The following ZBTB38 variants were observed in gnomAD, a reference collection of about 807,000 sequenced individuals.
ZBTB38 encodes zinc finger and BTB domain-containing protein 38.
ZBTB38 carries 20 observed loss-of-function variants against 76.8 expected under a neutral mutation model. The ratio of observed to expected loss-of-function variants is 0.26; its 90% CI spans 0.18 to 0.38. The LOEUF (loss-of-function observed/expected upper bound fraction) is 0.38, where lower values mean the gene tolerates loss of function less well. Ranked by LOEUF, ZBTB38 falls within the 10% of genes least tolerant of loss-of-function variation. ZBTB38 has a pLI of 1.00. For synonymous variants in ZBTB38, 504 were observed against 544.2 expected (o/e 0.93, Z 1.03); for missense variants, 1,082 against 1,482.3 (o/e 0.73, Z 4.43).
In ZBTB38 at chr3:141,379,536, C is replaced by T. The variant is rs144604943; in HGVS notation, c.-234-1889C>T. On this transcript the variant is annotated intron_variant, in intron 2 of 5. Transcript: ENST00000321464. Reference sequence around the variant, plus strand: ...GACCATGATGAGAGGGACAGCGGTGCTCATTTCTCGGGCCTGGCTGTGAGT... The same window carrying T: ...GACCATGATGAGAGGGACAGCGGTGTTCATTTCTCGGGCCTGGCTGTGAGT... Among the ~76,000 whole-genome samples, 360 of 152,288 alleles carry T rather than the reference C, an allele frequency of 2.4e-3. 1 individual carries two copies. Among genetic ancestry groups the T allele is most frequent in the South Asian group, 7.9e-3 (38 of 4,818 alleles).
chr3:141,392,124 C>G (rs1461027910), intron 4 of ZBTB38, among the ~76,000 whole-genome samples: 1 of 152,160 alleles, frequency 6.6e-6, no homozygotes, highest in Non-Finnish European at 1.5e-5. Flanking sequence ...CATTACTTAG[C>G]TGACTTTGCT....
chr3:141,379,181 GA>G (rs1945842453), intron 2 of ZBTB38, among the ~76,000 whole-genome samples: 1 of 152,166 alleles, frequency 6.6e-6, no homozygotes, highest in African/African-American at 2.4e-5. Context: ...CTTGGCCCTG[GA>G]AAGACAGTTT....
intron 4 of ZBTB38, among the ~76,000 whole-genome samples, chr3:141,390,769 A>G (rs1475087024): frequency 6.6e-6 from 1 of 152,218 alleles, no homozygotes; most frequent in African/African-American, 2.4e-5. Flanking sequence ...GGCATATTCC[A>G]GAGGACGGGA....
chr3:141,400,932 A>C (rs890797329), intron 4 of ZBTB38, among the ~76,000 whole-genome samples: 1 of 152,094 alleles, frequency 6.6e-6, no homozygotes, highest in African/African-American at 2.4e-5. Context: ...ACCACCTCCC[A>C]CCTTCCAGTC....
In ZBTB38 at chr3:141,449,650, G is replaced by A. The variant is rs994981541; in HGVS notation, c.*3674G>A. 8 of 152,064 alleles carry A rather than the reference G, an allele frequency of 5.3e-5. No individual in the cohort carries two copies. The highest frequency in any genetic ancestry group is 2.6e-4 in the Admixed American group (4 of 15,270). The allele number at this position is 152,064 out of a possible 1,614,324, so 9.4% of individuals were successfully genotyped here. ...GTGGCTGGCCAGTAGCATCAATTTT[G>A]TATTGGAAGGGCAATCCAAACCAGA... On this transcript the variant is annotated 3_prime_UTR_variant, in exon 6 of 6. Transcript: ENST00000321464.
intron 5 of ZBTB38, among the ~76,000 whole-genome samples, chr3:141,415,397 C>G (rs2073768137): frequency 2.0e-5 from 3 of 152,118 alleles, no homozygotes; most frequent in African/African-American, 7.2e-5. Context: ...AAAGAAAAGC[C>G]ATCAGATGCT....
Position 141,374,379 on chromosome 3 carries a change from G to A in ZBTB38, c.-235+4433G>A, listed in dbSNP as rs565628395. On this transcript the variant is annotated intron_variant, in intron 2 of 5. Transcript: ENST00000321464. ...CTGAAACCTTTGAGGAATGATGGAT[G>A]AGTCATCTCTCTGCCAAAAGAAGAT... 2.4e-4 allele frequency among the ~76,000 whole-genome samples: 37 copies of A among 152,262 alleles called. 2 individuals are homozygous for A. The South Asian group carries it at 7.7e-3, about 32-fold the overall frequency.
chr3:141,404,934 A>G (rs966063642), intron 5 of ZBTB38, among the ~76,000 whole-genome samples: 13 of 152,216 alleles, frequency 8.5e-5, no homozygotes, highest in Admixed American at 8.5e-4. Context: ...CTTCTCCAGC[A>G]GTTGCAGAGT....
intron 1 of ZBTB38, among the ~76,000 whole-genome samples, chr3:141,340,117 G>C (rs940057941): frequency 6.6e-5 from 10 of 152,316 alleles, no homozygotes; most frequent in Middle Eastern, 3.4e-3. Context: ...CAAACTTAGA[G>C]ATGACCAAGT....
At chr3:141,371,691 T>G (rs531464845) in intron 2 of ZBTB38, among the ~76,000 whole-genome samples, 1 of 152,208 alleles carries the variant, frequency 6.6e-6, no homozygotes, top group African/African-American at 2.4e-5. Flanking sequence ...GGGCTATTAA[T>G]GCTACCCCAA....
chr3:141,349,634 G>A (rs117875517), intron 1 of ZBTB38, among the ~76,000 whole-genome samples: 4,383 of 152,276 alleles, frequency 0.029, 213 homozygotes, highest in East Asian at 0.12. Flanking sequence ...AGAGGCTGAG[G>A]CACAAGAATC....
chr3:141,376,947 G>A (rs1010103637), intron 2 of ZBTB38, among the ~76,000 whole-genome samples: 10 of 152,160 alleles, frequency 6.6e-5, no homozygotes, highest in Non-Finnish European at 1.5e-4. Context: ...TTGATTCCAT[G>A]TCCCACTTCC....
At chr3:141,409,644 A>G (rs1479962312) in intron 5 of ZBTB38, among the ~76,000 whole-genome samples, 1 of 152,204 alleles carries the variant, frequency 6.6e-6, no homozygotes, top group African/African-American at 2.4e-5. Context: ...GAGCCTCCCT[A>G]TATCCCTAAC....
chr3:141,373,419 C>A (rs1944920203), intron 2 of ZBTB38, among the ~76,000 whole-genome samples: 1 of 152,220 alleles, frequency 6.6e-6, no homozygotes, highest in Non-Finnish European at 1.5e-5. Context: ...CTCACACAGG[C>A]AGCTCTTACA....
At chr3:141,327,037 G>A (rs1333921807) in intron 1 of ZBTB38, among the ~76,000 whole-genome samples, 3 of 152,140 alleles carry the variant, frequency 2.0e-5, no homozygotes, top group African/African-American at 7.2e-5. Flanking sequence ...TTTGTATTTA[G>A]ATACATTTAG....
At chr3:141,345,731 G>A (rs1943333881) in intron 1 of ZBTB38, among the ~76,000 whole-genome samples, 1 of 151,940 alleles carries the variant, frequency 6.6e-6, no homozygotes, top group Admixed American at 6.6e-5. Flanking sequence ...GGTGTGTCTT[G>A]GGGTGGGAGG....
intron 5 of ZBTB38, among the ~76,000 whole-genome samples, chr3:141,406,631 G>A (rs575439250): frequency 3.4e-4 from 52 of 152,286 alleles, no homozygotes; most frequent in Non-Finnish European, 6.5e-4. Flanking sequence ...AAAGTCAAGA[G>A]ATGGGAAAAG....
At chr3:141,334,984 T>G (rs1003053996) in intron 1 of ZBTB38, among the ~76,000 whole-genome samples, 1 of 152,208 alleles carries the variant, frequency 6.6e-6, no homozygotes, top group South Asian at 2.1e-4. Context: ...AGAGCACAGA[T>G]TCTGGTTCAG....
intron 2 of ZBTB38, among the ~76,000 whole-genome samples, chr3:141,372,769 T>TGATG (rs1456590792): frequency 2.0e-5 from 3 of 152,116 alleles, no homozygotes; most frequent in African/African-American, 7.2e-5. Flanking sequence ...CAAATGGGGA[T>TGATG]GATGTGTTGC....
Sources: allele counts gnomAD v4.1 joint callset (sites outside exome capture counted in the v4.1 genomes callset), GRCh38; gene constraint gnomAD v4.1.1; transcripts MANE v1.5; gene names NCBI Gene and HGNC (gene_info 2026-07-23, HGNC 2026-07-21).